Variants in NLRP8 observed in about 807,000 individuals in gnomAD.
NLRP8 encodes NACHT, LRR and PYD domains-containing protein 8.
NLRP8 carries 86 observed loss-of-function variants against 88.7 expected under a neutral mutation model. The observed-to-expected ratio is 0.97, with a 90% CI of 0.81 to 1.16. The LOEUF (loss-of-function observed/expected upper bound fraction) is 1.16. NLRP8 is among the 50% of genes most tolerant of loss of function. The probability of loss-of-function intolerance (pLI) is 0.00; values close to 1 mark genes in which losing one functional copy is unlikely to be tolerated. For missense variants in NLRP8, 1,342 were observed against 1,286.5 expected, an observed-to-expected ratio of 1.04 and a Z score of -0.66; for synonymous variants, 504 against 494.6, an observed-to-expected ratio of 1.02 and a Z score of -0.25.
Position 55,970,654 on chromosome 19 carries a change from G to A in NLRP8, c.2492G>A (p.Cys831Tyr). 5 of 1,614,100 alleles carry A rather than the reference G, an allele frequency of 3.1e-6. No individual in the cohort carries two copies. The highest frequency in any genetic ancestry group is 4.2e-6 in the Non-Finnish European group (5 of 1,180,018). The stretch of plus-strand genomic sequence containing the variant: ...CTAAGAAAAAACTCCCTGGAGAACT[G>A]TGGGGCGTATTACCTGTCTGTGGCC... Residue 831 changes from cysteine (C) to tyrosine (Y), a missense_variant, in exon 6 of 10, where the codon TGT becomes TAT. By Grantham distance (194) the Cys-to-Tyr change is radical (BLOSUM62 -2). Transcript: ENST00000291971.
intron 4 of NLRP8, among the ~76,000 whole-genome samples, 182 bp from the exon 5 acceptor site, chr19:55,966,031 C>A (rs1979821548): frequency 6.6e-6 from 1 of 152,076 alleles, no homozygotes; most frequent in South Asian, 2.1e-4. Flanking sequence ...CAGGATAGGA[C>A]CTGAATAATC....
intron 1 of NLRP8, among the ~76,000 whole-genome samples, chr19:55,948,768 G>A (rs1030504113): frequency 6.6e-6 from 1 of 152,092 alleles, no homozygotes; most frequent in Admixed American, 6.6e-5. Context: ...AAACTTAACT[G>A]AATACTGCTT....
chr19:55,954,828 C>G lies in NLRP8; in HGVS notation c.770C>G (p.Ser257Cys). 8.7e-6 allele frequency: 14 copies of G among 1,614,198 alleles called. No individual in the cohort carries two copies. The highest frequency in any genetic ancestry group is 1.2e-5 in the Non-Finnish European group (14 of 1,180,042). Residue 257 changes from serine (S) to cysteine (C), a missense_variant, in exon 3 of 10, where the codon TCC becomes TGC. By Grantham distance (112) the Ser-to-Cys change is moderately radical. Transcript: ENST00000291971. ...AACCAGACGACAGACCAGAGCTTCT[C>G]CGAGCTGATTGAGCAAAAGTGGCCT...
rs112109260 is a variant in NLRP8 at position 55,954,613 on chromosome 19, C to G, written c.555C>G (p.His185Gln). The G allele has an allele frequency of 1.6e-5, 26 of 1,613,988 alleles. No individual in the cohort carries two copies. The African/African-American group carries it at 2.8e-4, about 17-fold the overall frequency. Residue 185 changes from histidine (H) to glutamine (Q), a missense_variant, in exon 3 of 10, where the codon CAC (histidine) becomes CAG (glutamine). By Grantham distance (24) the His-to-Gln change is conservative. Transcript: ENST00000291971. ...TCTTCTACCAAGGTGTACACAGGCA[C>G]GAGGAGTACTTACCATGTCTGCTTC...
In NLRP8 at chr19:55,973,681, C is replaced by T. The variant is rs1482464912; in HGVS notation, c.2564C>T (p.Thr855Ile). 1 of 1,613,488 alleles carries T rather than the reference C, an allele frequency of 6.2e-7. No individual in the cohort carries two copies. Among genetic ancestry groups the T allele is most frequent in the African/African-American group, 1.3e-5 (1 of 74,932 alleles). Residue 855 changes from threonine (T) to isoleucine (I), a missense_variant, in exon 7 of 10, where the codon ACT becomes ATT. Thr to Ile is a moderately conservative substitution (Grantham distance 89). Transcript: ENST00000291971. ...GAGAACTGCAACCTTACACAGCTTACTTGTGAAAGCCTTGCCTCCTGTCTC... is the reference window on the plus strand; with the variant it reads ...GAGAACTGCAACCTTACACAGCTTATTTGTGAAAGCCTTGCCTCCTGTCTC...
chr19:55,968,430 A>G (rs1979937766), intron 5 of NLRP8, among the ~76,000 whole-genome samples: 1 of 145,214 alleles, frequency 6.9e-6, no homozygotes, highest in African/African-American at 2.6e-5. Context: ...CAGAGCAAAA[A>G]CTCCATCTCA....
intron 7 of NLRP8, among the ~76,000 whole-genome samples, chr19:55,974,804 T>G (rs1444886854): frequency 2.0e-5 from 3 of 151,994 alleles, no homozygotes; most frequent in Non-Finnish European, 4.4e-5. Flanking sequence ...ATGTGAAGTT[T>G]GGCAGTTACC....
At chr19:55,972,881 T>C (rs143598839) in intron 6 of NLRP8, among the ~76,000 whole-genome samples, 1,606 of 151,888 alleles carry the variant, frequency 0.011, 26 homozygotes, top group African/African-American at 0.037. Flanking sequence ...GCATTTGGGC[T>C]GGTTCCATAT....
Position 55,962,171 on chromosome 19 carries a change from G to A in NLRP8, c.2147G>A (p.Gly716Glu), listed in dbSNP as rs780553957. 1.9e-6 allele frequency: 3 copies of A among 1,614,144 alleles called. No individual in the cohort carries two copies. Among genetic ancestry groups the A allele is most frequent in the Non-Finnish European group, 2.5e-6 (3 of 1,179,992 alleles). ...CTGACTATGACCAACAGTGTTTTGG[G>A]GCCTCCTTTTTTGAAGGCTCTCGCG... Residue 716 changes from glycine to glutamate, a missense_variant, in exon 4 of 10, where the codon GGG (glycine) becomes GAG (glutamate). By Grantham distance (98) the Gly-to-Glu change is moderately conservative. Transcript: ENST00000291971.
intron 9 of NLRP8, among the ~76,000 whole-genome samples, chr19:55,986,452 TCACA>T (rs146529832): frequency 2.7e-5 from 2 of 73,886 alleles, no homozygotes; most frequent in Admixed American, 1.5e-4. Flanking sequence ...ACTCTCTCTC[TCACA>T]CACACACTCT....
In NLRP8 at chr19:55,973,806, C is replaced by A; in HGVS notation, c.2689C>A (p.Pro897Thr). ...GAATGCCCTGCCACACCTGAGATGT[C>A]CTCTGCAGAGGCTGGTGTAAGTCCC... is the stretch of plus-strand genomic sequence containing the variant. The change falls in exon 7 of 10, where the codon CCT becomes ACT. Residue 897 changes from proline (P) to threonine (T), a missense_variant. Coordinates refer to ENST00000291971, the MANE Select transcript of NLRP8 (RefSeq NM_176811.2). 6.2e-7 allele frequency: 1 copy of A among 1,613,180 alleles called. No individual in the cohort carries two copies. Among genetic ancestry groups the A allele is most frequent in the Non-Finnish European group, 8.5e-7 (1 of 1,179,422 alleles).
chr19:55,957,035 T>C (rs966594021), intron 3 of NLRP8, among the ~76,000 whole-genome samples: 1 of 152,020 alleles, frequency 6.6e-6, no homozygotes, highest in Admixed American at 6.6e-5. Flanking sequence ...TCAAGCAATC[T>C]TCCCACCTTG....
chr19:55,953,817 T>C (rs1206347682), intron 2 of NLRP8, among the ~76,000 whole-genome samples: 1 of 144,882 alleles, frequency 6.9e-6, no homozygotes, highest in Non-Finnish European at 1.5e-5. Context: ...TTTTTTTTTT[T>C]TTAAGACAGA....
intron 1 of NLRP8, among the ~76,000 whole-genome samples, chr19:55,949,392 C>A (rs1978993197): frequency 6.6e-6 from 1 of 152,042 alleles, no homozygotes; most frequent in Non-Finnish European, 1.5e-5. Context: ...TGCGCACCAC[C>A]ACACCCAGCT....
chr19:55,962,935 C>T (rs902672436), intron 4 of NLRP8, among the ~76,000 whole-genome samples: 18 of 152,148 alleles, frequency 1.2e-4, no homozygotes, highest in Non-Finnish European at 2.4e-4. Flanking sequence ...GGAGGGACAC[C>T]GCCTTACAGA....
Position 55,954,682 on chromosome 19 carries a change from A to G in NLRP8, c.624A>G (p.Ile208Met), listed in dbSNP as rs1410531503. ...GTAGACAGCCCAAGACCGTGGCCAT[A>G]CAGGGAGCTCCTGGGATCGGAAAAA... The change falls in exon 3 of 10, where the codon ATA (isoleucine) becomes ATG (methionine). Residue 208 changes from isoleucine to methionine, a missense_variant. Ile to Met is a conservative substitution (Grantham distance 10). Transcript: ENST00000291971. 3.7e-6 allele frequency: 6 copies of G among 1,614,186 alleles called. No homozygotes were observed. Among genetic ancestry groups the G allele is most frequent in the Non-Finnish European group, 3.4e-6 (4 of 1,180,040 alleles).
At position 55,988,249 on chromosome 19, in the gene NLRP8, A is replaced by C; in HGVS notation, c.*336A>C. On this transcript the variant is annotated 3_prime_UTR_variant, in exon 10 of 10. Coordinates refer to ENST00000291971, the MANE Select transcript of NLRP8 (RefSeq NM_176811.2). ...TCTACTAAAAAAAAAAATACAAAAAATTAGGCGTGGTGGTGGGCTCCTGTA... is the reference window on the plus strand; with the variant it reads ...TCTACTAAAAAAAAAAATACAAAAACTTAGGCGTGGTGGTGGGCTCCTGTA... 6.0e-6 allele frequency: 1 copy of C among 167,526 alleles called. No homozygotes were observed. The highest frequency in any genetic ancestry group is 1.3e-5 in the Non-Finnish European group (1 of 77,962). The allele number at this position is 167,526 out of a possible 1,614,324, so 10.4% of individuals were successfully genotyped here.
At chr19:55,986,033 C>A (rs1980790511) in intron 9 of NLRP8, among the ~76,000 whole-genome samples, 1 of 151,898 alleles carries the variant, frequency 6.6e-6, no homozygotes, top group African/African-American at 2.4e-5. Context: ...GGGACTTTAT[C>A]AAAAGTATAA....
At chr19:55,977,191 C>T (rs1057240129) in intron 8 of NLRP8, among the ~76,000 whole-genome samples, 17 of 124,436 alleles carry the variant, frequency 1.4e-4, no homozygotes, top group South Asian at 2.6e-4. Flanking sequence ...TACATATATA[C>T]GTATATAAAG....
Sources: gnomAD v4.1 joint callset for allele counts (sites outside exome capture counted in the v4.1 genomes callset) on GRCh38, gnomAD v4.1.1 for gene constraint, MANE v1.5 for transcripts, NCBI Gene and HGNC (gene_info 2026-07-23, HGNC 2026-07-21) for gene names.